Variants in CXXC4 observed in about 807,000 individuals in gnomAD.
CXXC4 encodes the protein CXXC-type zinc finger protein 4.
In CXXC4, 5 loss-of-function variants were observed where a neutral mutation model predicts 20.5. That is an observed-to-expected ratio of 0.24 (90% CI 0.13 to 0.51). The LOEUF (loss-of-function observed/expected upper bound fraction) is 0.51, where lower values mean the gene tolerates loss of function less well. Among genes scored for constraint, CXXC4 ranks in the 20% least tolerant of loss-of-function variants. The probability of loss-of-function intolerance (pLI) is 0.97; values close to 1 mark genes in which losing one functional copy is unlikely to be tolerated. For synonymous variants in CXXC4, 250 were observed against 216.4 expected, an observed-to-expected ratio of 1.16 and a Z score of -1.36; for missense variants, 419 against 496.4, an observed-to-expected ratio of 0.84 and a Z score of 1.48.
intron 2 of CXXC4, among the ~76,000 whole-genome samples, chr4:104,481,088 TTATC>T (rs1736548085): frequency 6.6e-6 from 1 of 152,226 alleles, no homozygotes. Flanking sequence ...TCTGTGTTAC[TTATC>T]TAGATGTGGA....
chr4:104,493,307 T>A (rs1736952251), intron 1 of CXXC4, among the ~76,000 whole-genome samples: 1 of 152,168 alleles, frequency 6.6e-6, no homozygotes, highest in South Asian at 2.1e-4. Context: ...GTTTCCAGAT[T>A]TTTTGGCCAG....
Position 104,490,922 on chromosome 4 carries a change from C to G in CXXC4, c.881G>C (p.Gly294Ala), listed in dbSNP as rs750108778. The G allele has an allele frequency of 6.2e-7, 1 of 1,614,098 alleles. No individual in the cohort carries two copies. The highest frequency in any genetic ancestry group is 1.7e-5 in the Admixed American group (1 of 60,024). Residue 294 changes from glycine to alanine, a missense_variant, in exon 2 of 3, where the codon GGA becomes GCA. By Grantham distance (60) the Gly-to-Ala change is moderately conservative (BLOSUM62 0). Coordinates refer to ENST00000394767, the MANE Select transcript of CXXC4 (RefSeq NM_025212.4). ...HSSSSSSSSG[G>A]AGGANPAKKK... ...CTTGGCTGGGTTGGCTCCGCCAGCTCCCCCTGAGGAGGACGAGGAGGAGGA... is the reference window on the plus strand; with the variant it reads ...CTTGGCTGGGTTGGCTCCGCCAGCTGCCCCTGAGGAGGACGAGGAGGAGGA...
chr4:104,494,794 A>G lies in CXXC4; in HGVS notation c.-351T>C, dbSNP rs1352175654. The G allele has an allele frequency of 6.8e-6, 1 of 146,458 alleles. No individual in the cohort carries two copies. The highest frequency in any genetic ancestry group is 1.5e-5 in the Non-Finnish European group (1 of 66,218). The allele number at this position is 146,458 out of a possible 1,614,324, so 9.1% of individuals were successfully genotyped here. On this transcript the variant is annotated 5_prime_UTR_variant, in exon 1 of 3. Coordinates refer to ENST00000394767, the MANE Select transcript of CXXC4 (RefSeq NM_025212.4). ...AGGAGGAGGAGGTGGGGGGAGAGGA[A>G]AGAGTCGAGTGTGAGTGTATGTGTG...
At chr4:104,490,189 T>C (rs1392033383) in intron 2 of CXXC4, among the ~76,000 whole-genome samples, 4 of 152,336 alleles carry the variant, frequency 2.6e-5, no homozygotes, top group African/African-American at 9.6e-5. Context: ...TCTGCCTTGA[T>C]GAGTAGAAAA....
At chr4:104,492,656 A>G (rs1736925782) in intron 1 of CXXC4, among the ~76,000 whole-genome samples, 2 of 152,160 alleles carry the variant, frequency 1.3e-5, no homozygotes, top group South Asian at 4.1e-4. Context: ...GGCAGGGAAA[A>G]AAGAACTACC....
chr4:104,477,922 C>T (rs1310786701), intron 2 of CXXC4, among the ~76,000 whole-genome samples: 1 of 152,036 alleles, frequency 6.6e-6, no homozygotes, highest in Admixed American at 6.6e-5. Context: ...TTATTTTGGT[C>T]TTTATCCAAA....
rs1169346247 is a variant in CXXC4 at position 104,482,460 on chromosome 4, C to A, written c.1059+8284G>T. Among the ~76,000 whole-genome samples the A allele has an allele frequency of 3.3e-5, 5 of 152,124 alleles. No individual in the cohort carries two copies. The South Asian group carries it at 1.0e-3, about 31-fold the overall frequency. On this transcript the variant is annotated intron_variant, in intron 2 of 2. Coordinates refer to ENST00000394767, the MANE Select transcript of CXXC4 (RefSeq NM_025212.4). ...AAAATATTTCATGTTTAATGGAAGA[C>A]TCCACAACTTTTCACTTCTTATACA...
Position 104,491,482 on chromosome 4 carries a change from G to T in CXXC4, c.321C>A (p.Ser107Arg). 3.6e-6 allele frequency: 2 copies of T among 549,670 alleles called. No individual in the cohort carries two copies. Among genetic ancestry groups the T allele is most frequent in the African/African-American group, 2.1e-5 (1 of 47,720 alleles). The allele number at this position is 549,670 out of a possible 1,614,324, so 34.0% of individuals were successfully genotyped here. A position where few individuals can be genotyped will look rare whatever the true frequency, so the allele number is the denominator to read the frequency against. ...CCCCGCCGCCGCCCCCGCCCCCGCC[G>T]CTGCCCCAGAGCATGGCGGTGGCGG... Reference protein sequence around the residue: ...AAAATAMLWGSGGGGGGGGGG... With the variant: ...AAAATAMLWGRGGGGGGGGGG... The change falls in exon 2 of 3, where the codon AGC becomes AGA. Residue 107 changes from serine (S) to arginine (R), a missense_variant. By Grantham distance (110) the Ser-to-Arg change is moderately radical (BLOSUM62 -1). Transcript: ENST00000394767.
chr4:104,478,989 A>G (rs1464229006), intron 2 of CXXC4, among the ~76,000 whole-genome samples: 1 of 152,102 alleles, frequency 6.6e-6, no homozygotes, highest in South Asian at 2.1e-4. Flanking sequence ...ATGTGTGTGT[A>G]TATATATATG....
chr4:104,490,392 T>C (rs1213168477), intron 2 of CXXC4, among the ~76,000 whole-genome samples: 1 of 152,244 alleles, frequency 6.6e-6, no homozygotes, highest in African/African-American at 2.4e-5. Context: ...TCCAGTCCTT[T>C]GGGCAAGATG....
intron 2 of CXXC4, among the ~76,000 whole-genome samples, chr4:104,474,597 A>C (rs944850923): frequency 1.3e-5 from 2 of 152,082 alleles, no homozygotes; most frequent in Non-Finnish European, 2.9e-5. Context: ...AGTTAGATCC[A>C]AGCATATTCA....
At chr4:104,479,722 T>G (rs1736504839) in intron 2 of CXXC4, among the ~76,000 whole-genome samples, 2 of 151,472 alleles carry the variant, frequency 1.3e-5, no homozygotes, top group African/African-American at 2.4e-5. Flanking sequence ...TTGTTGTCCC[T>G]CCCTCTCTCC....
rs571960913 is a variant in CXXC4 at position 104,490,960 on chromosome 4, C to T, written c.843G>A (p.Pro281=). The change falls in exon 2 of 3, where the codon CCG becomes CCA. Residue 281 remains proline, a synonymous_variant. Transcript: ENST00000394767. ...AFQIANLADC[P]QNHSSSSSSS... is the part of the protein sequence containing the mutation. Reference sequence around the variant, plus strand: ...ACGAGGAGGAGGAGGAATGATTCTGCGGGCAGTCTGCCAGATTGGCAATTT... The same window carrying T: ...ACGAGGAGGAGGAGGAATGATTCTGTGGGCAGTCTGCCAGATTGGCAATTT... 1 of 1,613,848 alleles carries T rather than the reference C, an allele frequency of 6.2e-7. No individual in the cohort carries two copies. The highest frequency in any genetic ancestry group is 2.2e-5 in the East Asian group (1 of 44,788).
intron 1 of CXXC4, among the ~76,000 whole-genome samples, chr4:104,492,419 T>A (rs1736917684): frequency 6.6e-6 from 1 of 151,932 alleles, no homozygotes; most frequent in Non-Finnish European, 1.5e-5. Flanking sequence ...AGGGCGATAC[T>A]ACCTATAAGC....
At chr4:104,487,929 G>A (rs552455265) in intron 2 of CXXC4, among the ~76,000 whole-genome samples, 1 of 152,164 alleles carries the variant, frequency 6.6e-6, no homozygotes, top group South Asian at 2.1e-4. Flanking sequence ...AAAAAATCTG[G>A]ATGAGAGTCC....
chr4:104,489,484 G>C (rs1204707991), intron 2 of CXXC4, among the ~76,000 whole-genome samples: 1 of 152,076 alleles, frequency 6.6e-6, no homozygotes, highest in African/African-American at 2.4e-5. Flanking sequence ...AGAATGTACA[G>C]ATAACCCTAA....
rs2110266507 is a variant in CXXC4, at chr4:104,468,895, G to T, written c.*3427C>A. ...ACTTATCAGCTTAAAGACTTTATAT[G>T]CTTTAGCATTAATTGCACAACTTAC... On this transcript the variant is annotated 3_prime_UTR_variant, in exon 3 of 3. Transcript: ENST00000394767. The T allele has an allele frequency of 6.6e-6, 1 of 151,994 alleles. No homozygotes were observed. Among genetic ancestry groups the T allele is most frequent in the Non-Finnish European group, 1.5e-5 (1 of 67,944 alleles). 9.4% of individuals were successfully genotyped at this position (151,994 alleles called of 1,614,324 possible).
intron 2 of CXXC4, among the ~76,000 whole-genome samples, chr4:104,473,150 C>T (rs2110269505): frequency 6.6e-6 from 1 of 150,902 alleles, no homozygotes; most frequent in South Asian, 2.1e-4. Flanking sequence ...AGAATAATAA[C>T]AAATATCAAT....
chr4:104,482,487 C>T (rs529376251), intron 2 of CXXC4, among the ~76,000 whole-genome samples: 16 of 152,160 alleles, frequency 1.1e-4, no homozygotes, highest in Non-Finnish European at 1.6e-4. Flanking sequence ...TCTTATACAC[C>T]TACATATGAC....
Sources: allele counts gnomAD v4.1 joint callset (sites outside exome capture counted in the v4.1 genomes callset), GRCh38; gene constraint gnomAD v4.1.1; transcripts MANE v1.5; gene names NCBI Gene and HGNC (gene_info 2026-07-23, HGNC 2026-07-21).